The following NOSIP variants were observed in gnomAD, a reference collection of about 807,000 sequenced individuals.
NOSIP encodes the protein nitric oxide synthase-interacting protein.
In NOSIP, 25 loss-of-function variants were observed where a neutral mutation model predicts 36.4. The observed-to-expected ratio is 0.69, with a 90% CI of 0.50 to 0.96. The LOEUF is 0.96. Among genes scored for constraint, NOSIP ranks in the 40% least tolerant of loss-of-function variants. NOSIP has a pLI of 0.00. For synonymous variants in NOSIP, 187 were observed against 179.2 expected, an observed-to-expected ratio of 1.04 and a Z score of -0.35; for missense variants, 370 against 429.0, an observed-to-expected ratio of 0.86 and a Z score of 1.21.
At chr19:49,569,878 G>A (rs1221120817) in intron 1 of NOSIP, among the ~76,000 whole-genome samples, 1 of 151,786 alleles carries the variant, frequency 6.6e-6, no homozygotes, top group Non-Finnish European at 1.5e-5. Flanking sequence ...GCTCATGCCT[G>A]AGGTGAGCAG....
chr19:49,558,025 GA>G (rs2080278172), intron 4 of NOSIP: 1 of 716,044 alleles, frequency 1.4e-6, no homozygotes, highest in Admixed American at 6.3e-5. Context: ...GGAAGAGGGG[GA>G]CAGACCCACT....
chr19:49,570,204 A>C (rs2080467132), intron 1 of NOSIP, among the ~76,000 whole-genome samples: 1 of 152,194 alleles, frequency 6.6e-6, no homozygotes, highest in Non-Finnish European at 1.5e-5. Flanking sequence ...CCTGCTCTCA[A>C]GTAGCCTGCA....
chr19:49,571,934 C>T (rs1220648060), intron 1 of NOSIP, among the ~76,000 whole-genome samples: 2 of 135,532 alleles, frequency 1.5e-5, no homozygotes, highest in Non-Finnish European at 3.1e-5. Context: ...GCAGTGAGCC[C>T]AGATCGCACC....
intron 1 of NOSIP, among the ~76,000 whole-genome samples, chr19:49,568,977 A>AT (rs915480644): frequency 6.8e-6 from 1 of 147,574 alleles, no homozygotes; most frequent in Non-Finnish European, 1.5e-5. Flanking sequence ...TAATTTTTGT[A>AT]TTTTTAGCAG....
At chr19:49,556,172 G>T (rs1372957801) in intron 8 of NOSIP, 145 bp downstream of exon 8, 2 of 336,576 alleles carry the variant, frequency 5.9e-6, no homozygotes, top group Non-Finnish European at 1.0e-5. Context: ...GGAGAAAGCG[G>T]GGGGGGGGGG....
At chr19:49,576,330 C>CA (rs979970245) in intron 1 of NOSIP, among the ~76,000 whole-genome samples, 11 of 150,780 alleles carry the variant, frequency 7.3e-5, no homozygotes, top group East Asian at 2.0e-4. Context: ...CTGTCTCTAC[C>CA]AAAAAAAAGC....
chr19:49,578,869 C>G (rs968102082), intron 1 of NOSIP, among the ~76,000 whole-genome samples: 1 of 150,464 alleles, frequency 6.6e-6, no homozygotes, highest in East Asian at 2.0e-4. Context: ...ATGATCCGCC[C>G]GCCTTGGCCT....
rs115161823 is a variant in NOSIP at position 49,567,423 on chromosome 19, A to C, written c.-1-6731T>G. On this transcript the variant is annotated intron_variant, in intron 1 of 8. Transcript: ENST00000596358. Reference sequence around the variant, plus strand: ...GGCGTGAGCCACCGTGCCCGGCCCCAAAAATTTTTTTGTTAGAATTTACTA... The same window carrying C: ...GGCGTGAGCCACCGTGCCCGGCCCCCAAAATTTTTTTGTTAGAATTTACTA... Among the ~76,000 whole-genome samples, 457 of 152,074 alleles carry C rather than the reference A, an allele frequency of 3.0e-3. 6 individuals are homozygous for C. Among genetic ancestry groups the C allele is most frequent in the African/African-American group, 0.01 (435 of 41,498 alleles).
rs1187882881 is a variant in NOSIP, at chr19:49,556,093, C to CA, written c.834+223_834+224insT. ...TGGAGGGCTGGAGGCAGGGAAGGGG[C>CA]GGGGCCTTGAAAAGGAAGGAGGAGG... On this transcript the variant is annotated intron_variant, in intron 8 of 8. Coordinates refer to ENST00000596358, the MANE Select transcript of NOSIP (RefSeq NM_001270960.2). Among the ~76,000 whole-genome samples the CA allele has an allele frequency of 2.1e-3, 238 of 114,378 alleles. 3 individuals carry two copies. Among genetic ancestry groups the CA allele is most frequent in the African/African-American group, 7.5e-3 (228 of 30,368 alleles). The allele number at this position is 114,378 out of a possible 152,430, so 75.0% of individuals were successfully genotyped here. A position where few individuals can be genotyped will look rare whatever the true frequency, so the allele number is the denominator to read the frequency against.
At chr19:49,565,969 C>G (rs79796602) in intron 1 of NOSIP, among the ~76,000 whole-genome samples, 3 of 152,072 alleles carry the variant, frequency 2.0e-5, no homozygotes, top group African/African-American at 7.2e-5. Flanking sequence ...CAATGTCTAG[C>G]ACGTGTCCAA....
chr19:49,562,935 C>T (rs1251273687), intron 1 of NOSIP, among the ~76,000 whole-genome samples: 2 of 152,126 alleles, frequency 1.3e-5, no homozygotes, highest in African/African-American at 2.4e-5. Context: ...TCTCACTCAT[C>T]TCTAAGTTGC....
intron 1 of NOSIP, among the ~76,000 whole-genome samples, chr19:49,579,715 T>A (rs1446197504): frequency 1.3e-5 from 2 of 152,198 alleles, no homozygotes; most frequent in African/African-American, 2.4e-5. Flanking sequence ...CTAAATGTGT[T>A]GCAATTTTGT....
At chr19:49,561,256 G>A (rs1265721915) in intron 1 of NOSIP, among the ~76,000 whole-genome samples, 3 of 152,160 alleles carry the variant, frequency 2.0e-5, no homozygotes, top group East Asian at 1.9e-4. Flanking sequence ...CAGATCGACC[G>A]ATCAGAGGGC....
chr19:49,575,603 G>GAT (rs2122191711), intron 1 of NOSIP, among the ~76,000 whole-genome samples: 1 of 152,184 alleles, frequency 6.6e-6, no homozygotes, highest in South Asian at 2.1e-4. Context: ...GAAGTCAGAG[G>GAT]ATATAGCAGG....
At chr19:49,571,983 C>CAAA (rs35870721) in intron 1 of NOSIP, among the ~76,000 whole-genome samples, 5,746 of 56,882 alleles carry the variant, frequency 0.1, 396 homozygotes, top group Middle Eastern at 0.18. Flanking sequence ...GACTCTGTCT[C>CAAA]AAAAAAAAAA....
chr19:49,557,554 A>G, intron 4 of NOSIP: 1 of 1,242,834 alleles, frequency 8.0e-7, no homozygotes, highest in Non-Finnish European at 1.0e-6. Flanking sequence ...GGCTCACTGA[A>G]GGGTTACATA....
rs1444667339 is a variant in NOSIP, at chr19:49,556,316, C to A, written c.834+1G>T. 4 of 1,608,020 alleles carry A rather than the reference C, an allele frequency of 2.5e-6. No individual in the cohort carries two copies. The Admixed American group carries it at 6.7e-5, about 27-fold the overall frequency. On this transcript the variant is annotated splice_donor_variant, in intron 8 of 8. Coordinates refer to ENST00000596358, the MANE Select transcript of NOSIP (RefSeq NM_001270960.2). LOFTEE classifies it high-confidence loss of function. ...GGGAAGGGGAGGGGTGGGACTCTTA[C>A]CCGCTGCAGCACGATGATGTCGCGG...
chr19:49,575,283 G>C (rs1170189309), intron 1 of NOSIP, among the ~76,000 whole-genome samples: 2 of 152,186 alleles, frequency 1.3e-5, no homozygotes, highest in East Asian at 1.9e-4. Context: ...ATAGGCATGA[G>C]CCACCATGCG....
At chr19:49,574,358 G>C (rs1421160223) in intron 1 of NOSIP, among the ~76,000 whole-genome samples, 1 of 152,142 alleles carries the variant, frequency 6.6e-6, no homozygotes, top group East Asian at 1.9e-4. Context: ...TGGGAGAATA[G>C]GAAAACTGCC....
Sources: gnomAD v4.1 joint callset for allele counts (sites outside exome capture counted in the v4.1 genomes callset) on GRCh38, gnomAD v4.1.1 for gene constraint, MANE v1.5 for transcripts, NCBI Gene and HGNC (gene_info 2026-07-23, HGNC 2026-07-21) for gene names.